GULP1: variants seen among roughly 807,000 people sequenced by gnomAD.
GULP1 encodes the protein PTB domain-containing engulfment adapter protein 1.
In GULP1, 19 loss-of-function variants were observed where a neutral mutation model predicts 40.9. The observed-to-expected ratio is 0.46, with a 90% CI of 0.32 to 0.68. The LOEUF is 0.68. GULP1 is among the 30% of genes least tolerant of loss of function. The pLI is 0.03. For synonymous variants in GULP1, 119 were observed against 117.6 expected (o/e 1.01, Z -0.08); for missense variants, 312 against 362.2 (o/e 0.86, Z 1.12).
At chr2:188,456,416 G>A (rs185709239) in intron 2 of GULP1, among the ~76,000 whole-genome samples, 5 of 152,252 alleles carry the variant, frequency 3.3e-5, no homozygotes, top group Admixed American at 6.5e-5. Context: ...CTCCGCCATC[G>A]CTGAAATGGA....
chr2:188,477,017 C>T (rs929657478), intron 2 of GULP1, among the ~76,000 whole-genome samples: 1 of 152,024 alleles, frequency 6.6e-6, no homozygotes, highest in African/African-American at 2.4e-5. Context: ...ATAGTGAATA[C>T]ACTACAGAAC....
At chr2:188,515,627 G>A (rs1264045265) in intron 4 of GULP1, among the ~76,000 whole-genome samples, 2 of 151,908 alleles carry the variant, frequency 1.3e-5, no homozygotes, top group African/African-American at 2.4e-5. Flanking sequence ...CAGTCCATCT[G>A]TGTGATCAAA....
intron 2 of GULP1, among the ~76,000 whole-genome samples, chr2:188,395,522 G>T (rs576414837): frequency 6.6e-5 from 10 of 152,294 alleles, no homozygotes; most frequent in African/African-American, 2.4e-4. Context: ...CTGCCTGACT[G>T]TTGGCATGGA....
chr2:188,571,406 G>A (rs1179162789), intron 9 of GULP1, among the ~76,000 whole-genome samples: 2 of 152,082 alleles, frequency 1.3e-5, no homozygotes, highest in African/African-American at 4.8e-5. Flanking sequence ...GATTTTTCCT[G>A]TAAACTCACA....
intron 7 of GULP1, among the ~76,000 whole-genome samples, chr2:188,565,209 C>CA (rs1239323727): frequency 6.6e-6 from 1 of 151,826 alleles, no homozygotes; most frequent in African/African-American, 2.4e-5. Context: ...TGGACTTTAT[C>CA]AAAAATAAAA....
At chr2:188,394,313 T>C (rs372223146) in intron 2 of GULP1, among the ~76,000 whole-genome samples, 5 of 152,174 alleles carry the variant, frequency 3.3e-5, no homozygotes, top group African/African-American at 1.2e-4. Context: ...TGGTTTAGTC[T>C]ATTATTAAAA....
At chr2:188,514,954 G>T (rs1034542018) in intron 4 of GULP1, among the ~76,000 whole-genome samples, 3 of 152,136 alleles carry the variant, frequency 2.0e-5, no homozygotes, top group African/African-American at 7.2e-5. Flanking sequence ...TCCACTCATT[G>T]CAGGACAATT....
At chr2:188,541,388 T>C in intron 7 of GULP1, 70 bp downstream of exon 7, 2 of 1,250,332 alleles carry the variant, frequency 1.6e-6, no homozygotes, top group Non-Finnish European at 2.4e-6. Flanking sequence ...GCTTCTGGCA[T>C]TGGCAAAGTA....
chr2:188,356,027 A>G (rs2045258867), intron 1 of GULP1, among the ~76,000 whole-genome samples: 1 of 152,108 alleles, frequency 6.6e-6, no homozygotes, highest in South Asian at 2.1e-4. Context: ...TATAGGAGGA[A>G]CATGCCTCAA....
At chr2:188,483,335 G>T in intron 3 of GULP1, 96 bp from the exon 4 acceptor site, 1 of 540,906 alleles carries the variant, frequency 1.8e-6, no homozygotes, top group Non-Finnish European at 3.4e-6. Context: ...CTCAGAATTA[G>T]AAATACTCTG....
At chr2:188,347,111 A>G (rs1226545720) in intron 1 of GULP1, among the ~76,000 whole-genome samples, 2 of 152,166 alleles carry the variant, frequency 1.3e-5, no homozygotes, top group Non-Finnish European at 2.9e-5. Flanking sequence ...TTTTATCACA[A>G]ATAAGGAAAT....
At chr2:188,512,600 A>G (rs2064703498) in intron 4 of GULP1, among the ~76,000 whole-genome samples, 1 of 152,130 alleles carries the variant, frequency 6.6e-6, no homozygotes, top group Non-Finnish European at 1.5e-5. Flanking sequence ...ATTCTGAAAC[A>G]TTTGAGGAAG....
intron 1 of GULP1, among the ~76,000 whole-genome samples, chr2:188,352,608 T>TCCCA (rs773746742): frequency 7.1e-4 from 31 of 43,426 alleles, no homozygotes; most frequent in Admixed American, 1.4e-3. Context: ...TCTTTCTCTC[T>TCCCA]CTCTCTCTCT....
chr2:188,468,581 C>G (rs2060323234), intron 2 of GULP1, among the ~76,000 whole-genome samples: 2 of 152,144 alleles, frequency 1.3e-5, no homozygotes, highest in Admixed American at 6.5e-5. Flanking sequence ...TCTAGGACAT[C>G]TTTTGCAATT....
At chr2:188,581,419 T>C (rs1701301046) in intron 9 of GULP1, among the ~76,000 whole-genome samples, 1 of 152,170 alleles carries the variant, frequency 6.6e-6, no homozygotes. Context: ...AGGCACCTTC[T>C]CTCTGGCCTC....
chr2:188,491,258 G>GA lies in GULP1; in HGVS notation c.90+7775dup, dbSNP rs202212348. Among the ~76,000 whole-genome samples the GA allele has an allele frequency of 8.2e-4, 122 of 148,600 alleles. 1 individual carries two copies. The highest frequency in any genetic ancestry group is 4.4e-3 in the South Asian group (21 of 4,724). On this transcript the variant is annotated intron_variant, in intron 4 of 11. Coordinates refer to ENST00000409830, the MANE Select transcript of GULP1 (RefSeq NM_016315.4). Reference sequence around the variant, plus strand: ...AAAAGTAGAGATTACAGTTTTGGAGGAAAAAAAAACATGTTTCCAAAAAGT... The same window carrying GA: ...AAAAGTAGAGATTACAGTTTTGGAGGAAAAAAAAAACATGTTTCCAAAAAGT...
intron 1 of GULP1, among the ~76,000 whole-genome samples, chr2:188,305,757 C>T (rs2036954516): frequency 6.6e-6 from 1 of 151,280 alleles, no homozygotes; most frequent in South Asian, 2.1e-4. Context: ...GTGAGATAGT[C>T]TAATTTCTTC....
At chr2:188,582,631 G>A in intron 9 of GULP1, 1 of 418,436 alleles carries the variant, frequency 2.4e-6, no homozygotes, top group South Asian at 1.8e-5. Context: ...CTGCCAAAAT[G>A]TGCTATTTGT....
At position 188,594,539 on chromosome 2, in the gene GULP1, C is replaced by T. The variant is rs1704165533; in HGVS notation, c.*528C>T. 1 of 151,664 alleles carries T rather than the reference C, an allele frequency of 6.6e-6. No homozygotes were observed. The highest frequency in any genetic ancestry group is 1.5e-5 in the Non-Finnish European group (1 of 67,786). 9.4% of individuals were successfully genotyped at this position (151,664 alleles called of 1,614,324 possible). ...AAAATGTAAACTTTAAACATAATGC[C>T]ACAAGGTCACTAATTTCTAGCAGGT... On this transcript the variant is annotated 3_prime_UTR_variant, in exon 12 of 12. Transcript: ENST00000409830.
Sources: allele counts gnomAD v4.1 joint callset (sites outside exome capture counted in the v4.1 genomes callset), GRCh38; gene constraint gnomAD v4.1.1; transcripts MANE v1.5; gene names NCBI Gene and HGNC (gene_info 2026-07-23, HGNC 2026-07-21).